The following AAMDC variants were observed in gnomAD, a reference collection of about 807,000 sequenced individuals.
The protein encoded by AAMDC is adipogenesis associated Mth938 domain containing, also known as mth938 domain-containing protein.
Under a neutral mutation model 15.5 loss-of-function variants are expected in AAMDC, and 16 were observed. That is an observed-to-expected ratio of 1.03 (90% CI 0.70 to 1.57). The LOEUF (loss-of-function observed/expected upper bound fraction) is 1.57, where lower values mean the gene tolerates loss of function less well. Among genes scored for constraint, AAMDC ranks in the 40% most tolerant of loss-of-function variants. The pLI, the probability that AAMDC is intolerant of heterozygous loss-of-function variation, is 0.00. For missense variants in AAMDC, 141 were observed against 144.9 expected (o/e 0.97, Z 0.14); for synonymous variants, 51 against 51.6 (o/e 0.99, Z 0.05).
At chr11:77,848,270 G>A (rs1169004924) in intron 2 of AAMDC, among the ~76,000 whole-genome samples, 1 of 152,202 alleles carries the variant, frequency 6.6e-6, no homozygotes, top group East Asian at 1.9e-4. Flanking sequence ...TTCCACACTT[G>A]AGAGATCCAT....
At chr11:77,865,391 A>G (rs556484076) in intron 2 of AAMDC, among the ~76,000 whole-genome samples, 168 of 152,302 alleles carry the variant, frequency 1.1e-3, no homozygotes, top group South Asian at 4.4e-3. Flanking sequence ...CTGTTGCTCT[A>G]TCATCTCCTA....
At chr11:77,878,128 C>T (rs953578889) in intron 5 of AAMDC, among the ~76,000 whole-genome samples, 9 of 152,000 alleles carry the variant, frequency 5.9e-5, no homozygotes, top group East Asian at 3.9e-4. Context: ...TTTGGGAGGC[C>T]AAGGTGGGCA....
At chr11:77,874,354 T>C (rs896498515), downstream of AAMDC, among the ~76,000 whole-genome samples, 7 of 152,102 alleles carry the variant, frequency 4.6e-5, no homozygotes, top group African/African-American at 1.7e-4. Context: ...ATTCAGACTG[T>C]TTCTCTAGTG....
At chr11:77,898,288 G>A (rs1042488233) in intron 5 of AAMDC, among the ~76,000 whole-genome samples, 1 of 152,070 alleles carries the variant, frequency 6.6e-6, no homozygotes, top group Non-Finnish European at 1.5e-5. Context: ...TCAGCCTCCC[G>A]AGTAGCTGGG....
At chr11:77,892,145 T>C (rs1332521936) in intron 5 of AAMDC, among the ~76,000 whole-genome samples, 2 of 152,224 alleles carry the variant, frequency 1.3e-5, no homozygotes, top group South Asian at 2.1e-4. Context: ...ATAGATTCAT[T>C]AATTATTTTA....
chr11:77,885,312 G>C (rs2136367687), intron 5 of AAMDC, among the ~76,000 whole-genome samples: 1 of 151,792 alleles, frequency 6.6e-6, no homozygotes, highest in South Asian at 2.1e-4. Flanking sequence ...CCTGACCTCA[G>C]GTGATCTTCC....
intron 1 of AAMDC, among the ~76,000 whole-genome samples, chr11:77,830,299 T>A (rs2136065062): frequency 6.6e-6 from 1 of 152,282 alleles, no homozygotes; most frequent in Middle Eastern, 3.4e-3. Context: ...AACAGCAAAC[T>A]GTTTATCATG....
chr11:77,853,996 T>C (rs1226767006), intron 2 of AAMDC, among the ~76,000 whole-genome samples: 1 of 146,630 alleles, frequency 6.8e-6, no homozygotes, highest in Non-Finnish European at 1.5e-5. Context: ...CCAAATTCTT[T>C]TTTTTTTTTT....
At chr11:77,878,190 G>C (rs142224618) in intron 5 of AAMDC, among the ~76,000 whole-genome samples, 7 of 151,808 alleles carry the variant, frequency 4.6e-5, no homozygotes, top group Non-Finnish European at 1.0e-4. Context: ...GTGAAACCCC[G>C]TCTCTACTAA....
Position 77,842,506 on chromosome 11 carries a change from C to A in AAMDC, c.10C>A (p.Pro4Thr). 2 of 1,613,384 alleles carry A rather than the reference C, an allele frequency of 1.2e-6. No homozygotes were observed. The highest frequency in any genetic ancestry group is 2.2e-5 in the South Asian group (2 of 90,894). MTS[P>T]EIASLSWGQM... ...TTCAGTGAAGTTCCTTATGACTTCC[C>A]CTGAAATTGCTTCCTTATCATGGGG... The change falls in exon 2 of 4, where the codon CCT becomes ACT. Residue 4 changes from proline to threonine, a missense_variant. By Grantham distance (38) the Pro-to-Thr change is conservative. Transcript: ENST00000393427.
At chr11:77,858,302 C>CTTTTTTTTTTTTTTT (rs71473358) in intron 2 of AAMDC, among the ~76,000 whole-genome samples, 35 of 69,360 alleles carry the variant, frequency 5.0e-4, no homozygotes, top group Non-Finnish European at 6.3e-4. Context: ...TTAAGCAATT[C>CTTTTTTTTTTTTTTT]TTTTTTTTTT....
intron 1 of AAMDC, among the ~76,000 whole-genome samples, chr11:77,835,331 C>A (rs1488183142): frequency 6.6e-6 from 1 of 152,160 alleles, no homozygotes; most frequent in African/African-American, 2.4e-5. Flanking sequence ...AAGTCCTCAT[C>A]ATCAAGACTG....
intron 2 of AAMDC, among the ~76,000 whole-genome samples, chr11:77,853,273 AGTTTCTAAAGAAAAGAG>A (rs1297770040): frequency 6.6e-6 from 1 of 152,232 alleles, no homozygotes; most frequent in Admixed American, 6.5e-5. Flanking sequence ...GAGACTGGTT[AGTTTCTAAAGAAAAGAG>A]GTTTCATTGG....
chr11:77,877,183 C>G, downstream of AAMDC: 1 of 594,388 alleles, frequency 1.7e-6, no homozygotes, highest in African/African-American at 1.9e-5. Context: ...ATTGTGTGAC[C>G]TAGGACAGGT....
At chr11:77,836,947 A>G (rs1949708199) in intron 1 of AAMDC, among the ~76,000 whole-genome samples, 1 of 152,172 alleles carries the variant, frequency 6.6e-6, no homozygotes, top group African/African-American at 2.4e-5. Flanking sequence ...CCTGGGCAAC[A>G]AGAGCGAAAC....
chr11:77,828,089 A>G (rs911710668), intron 1 of AAMDC, among the ~76,000 whole-genome samples: 2 of 152,108 alleles, frequency 1.3e-5, no homozygotes, highest in Non-Finnish European at 1.5e-5. Flanking sequence ...CCTGGCCAAC[A>G]TGGTGAAACT....
intron 5 of AAMDC, chr11:77,884,978 T>C: frequency 5.2e-6 from 1 of 190,888 alleles, no homozygotes; most frequent in Admixed American, 5.3e-5. Context: ...CAGGCTAGTC[T>C]CCAACTCTTG....
rs1950649841 is a variant in AAMDC at position 77,857,054 on chromosome 11, T to C, written c.133-12668T>C. On this transcript the variant is annotated intron_variant, in intron 2 of 3. Transcript: ENST00000393427. ...GCATCATTAATTCACTATGAAGTAA[T>C]AGTGCATATATCATCACCCAACATT... Among the ~76,000 whole-genome samples the C allele has an allele frequency of 2.0e-5, 3 of 152,232 alleles. No individual in the cohort carries two copies. The South Asian group carries it at 6.2e-4, about 31-fold the overall frequency.
chr11:77,869,900 G>A, intron 3 of AAMDC, 83 bp downstream of exon 3: 2 of 1,350,546 alleles, frequency 1.5e-6, no homozygotes, highest in Non-Finnish European at 2.1e-6. Flanking sequence ...CTTCTTGGGA[G>A]GTCATCTTTA....
Sources: allele counts gnomAD v4.1 joint callset (sites outside exome capture counted in the v4.1 genomes callset), GRCh38; gene constraint gnomAD v4.1.1; transcripts MANE v1.5; gene names NCBI Gene and HGNC (gene_info 2026-07-23, HGNC 2026-07-21).